The following SAMD9 variants were observed in gnomAD, a reference collection of about 807,000 sequenced individuals.
The protein encoded by SAMD9 is sterile alpha motif domain-containing protein 9.
A neutral mutation model predicts 1.5 loss-of-function variants in SAMD9; 3 were observed. The ratio of observed to expected loss-of-function variants is 2.05; its 90% CI spans 0.93 to 5.29. The LOEUF is 5.29. Among genes scored for constraint, SAMD9 ranks in the 30% most tolerant of loss-of-function variants. SAMD9 has a pLI of 0.02. For missense variants in SAMD9, 1,597 were observed against 1,820.8 expected (o/e 0.88, Z 2.24); for synonymous variants, 635 against 631.9 (o/e 1.00, Z -0.07).
rs572380130 is a variant in SAMD9 at position 93,102,717 on chromosome 7, G to A, written c.3381C>T (p.Tyr1127=). 2 of 1,613,742 alleles carry A rather than the reference G, an allele frequency of 1.2e-6. No homozygotes were observed. Among genetic ancestry groups the A allele is most frequent in the Non-Finnish European group, 1.7e-6 (2 of 1,179,740 alleles). Residue 1127 remains tyrosine (Y), a synonymous_variant, in exon 3 of 3, where the codon TAC becomes TAT. Coordinates refer to ENST00000379958, the MANE Select transcript of SAMD9 (RefSeq NM_017654.4). ...CTATCCACCATCTTATTTTACTTTT[G>A]TAGACTTGACCCAGTGTATCTGAGA... ...SYISDTLGQV[Y]KSKIRWWIEE...
In SAMD9 at chr7:93,101,264, T is replaced by C; in HGVS notation, c.*64A>G. 1 of 1,324,984 alleles carries C rather than the reference T, an allele frequency of 7.5e-7. No homozygotes were observed. The highest frequency in any genetic ancestry group is 1.1e-6 in the Non-Finnish European group (1 of 927,100). 82.1% of individuals were successfully genotyped at this position (1,324,984 alleles called of 1,614,324 possible). On this transcript the variant is annotated 3_prime_UTR_variant, in exon 3 of 3. Coordinates refer to ENST00000379958, the MANE Select transcript of SAMD9 (RefSeq NM_017654.4). ...TAACCTTGCCGGTTTAAAGCATAGA[T>C]CTTGAGTCCAAAAAAATTAAATGGG...
chr7:93,112,491 A>T (rs1791762535), intron 2 of SAMD9, among the ~76,000 whole-genome samples: 1 of 152,230 alleles, frequency 6.6e-6, no homozygotes. Flanking sequence ...AAGAGTATTC[A>T]GTTAGGAAAA....
chr7:93,103,320 T>A lies in SAMD9; in HGVS notation c.2778A>T (p.Ser926=). The A allele has an allele frequency of 6.2e-7, 1 of 1,613,638 alleles. No individual in the cohort carries two copies. Among genetic ancestry groups the A allele is most frequent in the South Asian group, 1.1e-5 (1 of 91,072 alleles). The change falls in exon 3 of 3, where the codon TCA becomes TCT. Residue 926 remains serine, a synonymous_variant. Transcript: ENST00000379958. The stretch of plus-strand genomic sequence containing the variant: ...GTGAAATGGTGGTATCAGGCACATA[T>A]GAATTAAGAAGAGCCAGAAAAGAAA... ...KLFSFLALLN[S]YVPDTTISLS... is the part of the protein sequence containing the mutation.
At position 93,103,948 on chromosome 7, in the gene SAMD9, A is replaced by G. The variant is rs1791583016; in HGVS notation, c.2150T>C (p.Met717Thr). 20 of 1,613,352 alleles carry G rather than the reference A, an allele frequency of 1.2e-5. No homozygotes were observed. The highest frequency in any genetic ancestry group is 1.7e-5 in the Non-Finnish European group (20 of 1,179,450). The change falls in exon 3 of 3, where the codon ATG becomes ACG. Residue 717 changes from methionine (M) to threonine (T), a missense_variant. Physicochemically the swap from Met to Thr is moderately conservative, Grantham distance 81. Transcript: ENST00000379958. Reference sequence around the variant, plus strand: ...AGAAGAATCTGCACAGTTTTGAATCATTGCTTCAAGTCTTTCATATTTATC... The same window carrying G: ...AGAAGAATCTGCACAGTTTTGAATCGTTGCTTCAAGTCTTTCATATTTATC... ...KRDKYERLEA[M>T]IQNCADSSKP... is the part of the protein sequence containing the mutation.
At chr7:93,106,513 A>C (rs1319587320) in intron 2 of SAMD9, among the ~76,000 whole-genome samples, 1 of 152,240 alleles carries the variant, frequency 6.6e-6, no homozygotes, top group African/African-American at 2.4e-5. Context: ...GATATTTGAA[A>C]CTAAGTACAG....
At chr7:93,116,159 T>G (rs1791829251) in intron 1 of SAMD9, among the ~76,000 whole-genome samples, 1 of 152,170 alleles carries the variant, frequency 6.6e-6, no homozygotes, top group South Asian at 2.1e-4. Flanking sequence ...CTCCCTGACT[T>G]CCTTCATCAA....
At position 93,103,931 on chromosome 7, in the gene SAMD9, CT is replaced by C; in HGVS notation, c.2166del (p.Asp723IlefsTer32). 4.3e-6 allele frequency: 7 copies of C among 1,613,732 alleles called. No homozygotes were observed. Among genetic ancestry groups the C allele is most frequent in the Non-Finnish European group, 5.1e-6 (6 of 1,179,710 alleles). Reference protein sequence around the residue: ...ERLEAMIQNCADSSKPTSTKI... With the variant: ...ERLEAMIQNCXDSSKPTSTKI... ...TTGGTACTTGTTGGTTTAGAAGAAT[CT>C]GCACAGTTTTGAATCATTGCTTCAA... is the stretch of plus-strand genomic sequence containing the variant. On this transcript the variant is annotated frameshift_variant, in exon 3 of 3. Coordinates refer to ENST00000379958, the MANE Select transcript of SAMD9 (RefSeq NM_017654.4). LOFTEE classifies it low-confidence loss of function (END_TRUNC).
chr7:93,102,653 G>T lies in SAMD9; in HGVS notation c.3445C>A (p.Leu1149Ile). 6.2e-7 allele frequency: 1 copy of T among 1,613,856 alleles called. No individual in the cohort carries two copies. The highest frequency in any genetic ancestry group is 8.5e-7 in the Non-Finnish European group (1 of 1,179,798). ...TCTGCTAAATCCAAAAGAGCAATTA[G>T]ATCATCAACTGAAATGTTCCCGTTT... ...GGNGNISVDD[L>I]IALLDLAEHA... The change falls in exon 3 of 3, where the codon CTA becomes ATA. Residue 1149 changes from leucine (L) to isoleucine (I), a missense_variant. By Grantham distance (5) the Leu-to-Ile change is conservative. This residue lies in a region of SAMD9 where 682 missense variants were observed against 810.0 expected (regional missense o/e 0.84). Coordinates refer to ENST00000379958, the MANE Select transcript of SAMD9 (RefSeq NM_017654.4).
intron 2 of SAMD9, among the ~76,000 whole-genome samples, chr7:93,110,890 A>T (rs1407945285): frequency 6.6e-6 from 1 of 152,238 alleles, no homozygotes; most frequent in Non-Finnish European, 1.5e-5. Context: ...AACATTAGAC[A>T]GATCCACGAG....
chr7:93,108,949 C>A (rs994236892), intron 2 of SAMD9, among the ~76,000 whole-genome samples: 8 of 152,164 alleles, frequency 5.3e-5, no homozygotes, highest in Admixed American at 1.3e-4. Flanking sequence ...TTGAAAGGAG[C>A]AGTGGTTCTC....
chr7:93,101,790 G>A lies in SAMD9; in HGVS notation c.4308C>T (p.Ser1436=). Residue 1436 remains serine, a synonymous_variant, in exon 3 of 3, where the codon TCC becomes TCT. Coordinates refer to ENST00000379958, the MANE Select transcript of SAMD9 (RefSeq NM_017654.4). ...GTTGATTTTCTGGCCAGAATAAGAGGGAAGCTAGAAAATACGGTTCTGAAA... is the reference window on the plus strand; with the variant it reads ...GTTGATTTTCTGGCCAGAATAAGAGAGAAGCTAGAAAATACGGTTCTGAAA... ...YQFSEPYFLA[S]LLFWPENQQL... 1 of 1,613,706 alleles carries A rather than the reference G, an allele frequency of 6.2e-7. No homozygotes were observed. The highest frequency in any genetic ancestry group is 2.2e-5 in the East Asian group (1 of 44,864).
chr7:93,112,972 C>T (rs530610212), intron 2 of SAMD9, among the ~76,000 whole-genome samples: 7 of 152,100 alleles, frequency 4.6e-5, no homozygotes, highest in Non-Finnish European at 1.0e-4. Flanking sequence ...TCATATGGAA[C>T]CAAAAAAGAG....
chr7:93,106,478 T>G (rs1791648848), intron 2 of SAMD9, among the ~76,000 whole-genome samples: 1 of 152,108 alleles, frequency 6.6e-6, no homozygotes, highest in Non-Finnish European at 1.5e-5. Flanking sequence ...TCAATTCTGC[T>G]ATAGAAAATA....
At chr7:93,106,998 C>A (rs931945263) in intron 2 of SAMD9, among the ~76,000 whole-genome samples, 5 of 152,056 alleles carry the variant, frequency 3.3e-5, no homozygotes, top group Non-Finnish European at 4.4e-5. Flanking sequence ...TGTTCCTTAC[C>A]CAAGATGTGT....
Position 93,105,076 on chromosome 7 carries a change from A to G in SAMD9, c.1022T>C (p.Leu341Pro). The change falls in exon 3 of 3, where the codon CTA becomes CCA. Residue 341 changes from leucine to proline, a missense_variant. Leu to Pro is a moderately conservative substitution (Grantham distance 98). Transcript: ENST00000379958. ...KIWEQSKKFS[L>P]FVRDGTSSKD... is the part of the protein sequence containing the mutation. ...AGAGCTGGTCCCATCTCGCACAAAT[A>G]GTGAGAATTTTTTACTTTGTTCCCA... 1 of 1,613,986 alleles carries G rather than the reference A, an allele frequency of 6.2e-7. No individual in the cohort carries two copies. Among genetic ancestry groups the G allele is most frequent in the Non-Finnish European group, 8.5e-7 (1 of 1,179,956 alleles).
At chr7:93,113,783 A>G (rs1554338230) in intron 2 of SAMD9, among the ~76,000 whole-genome samples, 1 of 152,220 alleles carries the variant, frequency 6.6e-6, no homozygotes, top group Non-Finnish European at 1.5e-5. Context: ...GGGGATCATT[A>G]AAAAGTCAGG....
rs781448421 is a variant in SAMD9, at chr7:93,101,899, G to T, written c.4199C>A (p.Pro1400His). 2 of 1,613,822 alleles carry T rather than the reference G, an allele frequency of 1.2e-6. No individual in the cohort carries two copies. Among genetic ancestry groups the T allele is most frequent in the Admixed American group, 3.3e-5 (2 of 60,002 alleles). Residue 1400 changes from proline (P) to histidine (H), a missense_variant, in exon 3 of 3, where the codon CCT (proline) becomes CAT (histidine). Transcript: ENST00000379958. ...AACTGGCTTTACTAATCTGGAGGTAGGTTGGATACAGGAGAGAATAATGTT... is the reference window on the plus strand; with the variant it reads ...AACTGGCTTTACTAATCTGGAGGTATGTTGGATACAGGAGAGAATAATGTT... ...LANIILSCIQ[P>H]TSRLVKPVEK... is the part of the protein sequence containing the mutation.
chr7:93,113,949 G>T (rs547543491), intron 2 of SAMD9, among the ~76,000 whole-genome samples: 2 of 152,070 alleles, frequency 1.3e-5, no homozygotes, highest in Non-Finnish European at 1.5e-5. Context: ...CCATTACTGG[G>T]TATATACCCA....
In SAMD9 at chr7:93,099,594, T is replaced by C. The variant is rs1460651515; in HGVS notation, c.*1734A>G. 6.6e-6 allele frequency: 1 copy of C among 152,234 alleles called. No individual in the cohort carries two copies. The highest frequency in any genetic ancestry group is 2.4e-5 in the African/African-American group (1 of 41,470). 9.4% of individuals were successfully genotyped at this position (152,234 alleles called of 1,614,324 possible). On this transcript the variant is annotated 3_prime_UTR_variant, in exon 3 of 3. Transcript: ENST00000379958. Reference sequence around the variant, plus strand: ...TATAAGTTATGGAGTTAAAATTTTATGCAGAAGCAAGGGAAAATCTTCCTC... The same window carrying C: ...TATAAGTTATGGAGTTAAAATTTTACGCAGAAGCAAGGGAAAATCTTCCTC...
Sources: allele counts gnomAD v4.1 joint callset (sites outside exome capture counted in the v4.1 genomes callset), GRCh38; gene constraint gnomAD v4.1.1; regional missense constraint gnomAD v4.1.1; transcripts MANE v1.5; gene names NCBI Gene and HGNC (gene_info 2026-07-23, HGNC 2026-07-21).